Variants in PHACTR1 observed in about 807,000 individuals in gnomAD.
The protein encoded by PHACTR1 is RPEL repeat containing 1.
Under a neutral mutation model 69.2 loss-of-function variants are expected in PHACTR1, and 16 were observed. The observed-to-expected ratio is 0.23, with a 90% CI of 0.16 to 0.35. The LOEUF (loss-of-function observed/expected upper bound fraction) is 0.35. Among genes scored for constraint, PHACTR1 ranks in the 10% least tolerant of loss-of-function variants. The probability of loss-of-function intolerance (pLI) is 1.00; values close to 1 mark genes in which losing one functional copy is unlikely to be tolerated. For synonymous variants in PHACTR1, 312 were observed against 284.5 expected (o/e 1.10, Z -0.97); for missense variants, 510 against 734.7 (o/e 0.69, Z 3.54).
intron 10 of PHACTR1, chr6:13,264,885 G>A (rs1776412479): frequency 6.6e-6 from 1 of 152,080 alleles, no homozygotes; most frequent in African/African-American, 2.4e-5. Flanking sequence ...AGCTAGGTAT[G>A]GTGGTGCATG....
intron 4 of PHACTR1, among the ~76,000 whole-genome samples, chr6:12,816,294 A>G (rs1243743004): frequency 7.2e-5 from 11 of 152,222 alleles, no homozygotes; most frequent in Admixed American, 7.2e-4. Context: ...TTGAGTTTCA[A>G]AGAATGATGT....
chr6:12,935,665 G>A (rs1000466151), intron 4 of PHACTR1, among the ~76,000 whole-genome samples: 2 of 152,114 alleles, frequency 1.3e-5, no homozygotes, highest in Admixed American at 1.3e-4. Flanking sequence ...GTAAATGTAT[G>A]TTTTGGGGTT....
chr6:12,823,132 A>AC (rs952383091), intron 4 of PHACTR1, among the ~76,000 whole-genome samples: 4 of 152,188 alleles, frequency 2.6e-5, no homozygotes, highest in African/African-American at 9.6e-5. Context: ...GGCCTCTGTC[A>AC]CCTACCACCC....
chr6:12,889,723 A>G (rs2127466707), intron 4 of PHACTR1, among the ~76,000 whole-genome samples: 1 of 149,472 alleles, frequency 6.7e-6, no homozygotes, highest in Admixed American at 6.7e-5. Flanking sequence ...CCAAGGTTCA[A>G]TTTTCTTCTT....
chr6:12,887,181 A>G (rs1783725105), intron 4 of PHACTR1, among the ~76,000 whole-genome samples: 1 of 152,166 alleles, frequency 6.6e-6, no homozygotes, highest in African/African-American at 2.4e-5. Context: ...GGGAGAATCA[A>G]GGCCCCTTCC....
chr6:12,784,261 C>T (rs1208068919), intron 4 of PHACTR1, among the ~76,000 whole-genome samples: 1 of 151,744 alleles, frequency 6.6e-6, no homozygotes, highest in Admixed American at 6.6e-5. Flanking sequence ...TCTTTACACA[C>T]TCACAGATAC....
chr6:13,155,768 A>T (rs938385188), intron 5 of PHACTR1, among the ~76,000 whole-genome samples: 1 of 152,048 alleles, frequency 6.6e-6, no homozygotes, highest in African/African-American at 2.4e-5. Context: ...GGCGCCTGTA[A>T]TCCCAGCTAC....
chr6:13,005,185 CT>C (rs1167921039), intron 4 of PHACTR1, among the ~76,000 whole-genome samples: 1 of 151,240 alleles, frequency 6.6e-6, no homozygotes, highest in Non-Finnish European at 1.5e-5. Context: ...ATCTCTCTCT[CT>C]CTTTTTTCTT....
intron 4 of PHACTR1, among the ~76,000 whole-genome samples, chr6:12,875,795 G>A (rs1358281067): frequency 6.6e-6 from 1 of 152,138 alleles, no homozygotes; most frequent in African/African-American, 2.4e-5. Flanking sequence ...GCTTTTCTGA[G>A]AGGGACTGCA....
At chr6:12,879,322 C>T (rs547126525) in intron 4 of PHACTR1, among the ~76,000 whole-genome samples, 1 of 152,148 alleles carries the variant, frequency 6.6e-6, no homozygotes, top group South Asian at 2.1e-4. Context: ...TGAGAACAAG[C>T]GTGGAATAAA....
At chr6:13,099,038 C>T (rs942206017) in intron 5 of PHACTR1, among the ~76,000 whole-genome samples, 1 of 152,190 alleles carries the variant, frequency 6.6e-6, no homozygotes, top group African/African-American at 2.4e-5. Context: ...TTAGGCCCTG[C>T]CTGCTTCCCT....
At chr6:12,733,853 C>G (rs934646750) in intron 3 of PHACTR1, among the ~76,000 whole-genome samples, 1 of 152,146 alleles carries the variant, frequency 6.6e-6, no homozygotes, top group African/African-American at 2.4e-5. Flanking sequence ...AAATCAGCCA[C>G]GTGGAAGATA....
chr6:13,067,046 G>T (rs1054992341), intron 5 of PHACTR1, among the ~76,000 whole-genome samples: 1 of 152,150 alleles, frequency 6.6e-6, no homozygotes, highest in African/African-American at 2.4e-5. Flanking sequence ...TCAAAGTGTG[G>T]CAAGACAACA....
chr6:12,951,345 CG>C (rs1562046153), intron 4 of PHACTR1, among the ~76,000 whole-genome samples: 3 of 152,184 alleles, frequency 2.0e-5, no homozygotes, highest in African/African-American at 7.2e-5. Context: ...AGTTTAGCAA[CG>C]TGGTGAGCTT....
In PHACTR1 at chr6:13,287,159, C is replaced by G; in HGVS notation, c.*81C>G. On this transcript the variant is annotated 3_prime_UTR_variant, in exon 15 of 15. Coordinates refer to ENST00000332995, the MANE Select transcript of PHACTR1 (RefSeq NM_030948.6). ...CATAAGTGCTGGTATTTATTCACTT[C>G]CCCATTACGATGTAAATCTTCTGAA... 7.7e-7 allele frequency: 1 copy of G among 1,304,300 alleles called. No individual in the cohort carries two copies. Among genetic ancestry groups the G allele is most frequent in the South Asian group, 1.3e-5 (1 of 75,386 alleles). 80.8% of individuals were successfully genotyped at this position (1,304,300 alleles called of 1,614,324 possible).
intron 10 of PHACTR1, among the ~76,000 whole-genome samples, chr6:13,265,558 T>C (rs1314899363): frequency 6.6e-6 from 1 of 152,208 alleles, no homozygotes; most frequent in Non-Finnish European, 1.5e-5. Context: ...GGTTAGTTAA[T>C]GAGAGTACTC....
chr6:12,837,140 A>G (rs1476633788), intron 4 of PHACTR1, among the ~76,000 whole-genome samples: 2 of 152,200 alleles, frequency 1.3e-5, no homozygotes, highest in African/African-American at 4.8e-5. Context: ...CAGCAAGCAC[A>G]AAAACCTGTT....
chr6:12,994,852 A>G lies in PHACTR1; in HGVS notation c.251-58513A>G, dbSNP rs553596560. On this transcript the variant is annotated intron_variant, in intron 4 of 14. Transcript: ENST00000332995. ...ACAGGAGACTACTACTTTTAGCACT[A>G]TTTAAATTTTTAACTACTTACATAT... 8.5e-5 allele frequency among the ~76,000 whole-genome samples: 13 copies of G among 152,286 alleles called. No homozygotes were observed. The East Asian group carries it at 1.9e-3, about 23-fold the overall frequency.
chr6:13,277,291 A>AGTCTTGCCTTAGGAGT (rs547217653), intron 11 of PHACTR1, among the ~76,000 whole-genome samples: 504 of 152,324 alleles, frequency 3.3e-3, no homozygotes, highest in African/African-American at 0.012. Flanking sequence ...AAGAGCTTTC[A>AGTCTTGCCTTAGGAGT]GGCTCTGCAG....
Sources: allele counts gnomAD v4.1 joint callset (sites outside exome capture counted in the v4.1 genomes callset), GRCh38; gene constraint gnomAD v4.1.1; transcripts MANE v1.5; gene names NCBI Gene and HGNC (gene_info 2026-07-23, HGNC 2026-07-21).